The following PDS5A variants were observed in gnomAD, a reference collection of about 807,000 sequenced individuals.
The protein encoded by PDS5A is PDS5 cohesin associated factor A.
In PDS5A, 42 loss-of-function variants were observed where a neutral mutation model predicts 167.1. The ratio of observed to expected loss-of-function variants is 0.25; its 90% CI spans 0.20 to 0.33. The LOEUF is 0.33. Ranked by LOEUF, PDS5A falls within the 10% of genes least tolerant of loss-of-function variation. The pLI is 1.00. For missense variants in PDS5A, 1,033 were observed against 1,605.9 expected, an observed-to-expected ratio of 0.64 and a Z score of 6.10; for synonymous variants, 553 against 554.6, an observed-to-expected ratio of 1.00 and a Z score of 0.04.
chr4:39,878,568 G>C (rs2109587188), intron 18 of PDS5A, among the ~76,000 whole-genome samples: 1 of 152,012 alleles, frequency 6.6e-6, no homozygotes, highest in Non-Finnish European at 1.5e-5. Flanking sequence ...CTGCACTCCA[G>C]CCTGGGCAAC....
rs5857707 is a variant in PDS5A at position 39,934,615 on chromosome 4, C to CT, written c.139-6452dup. Among the ~76,000 whole-genome samples, 415 of 127,576 alleles carry CT rather than the reference C, an allele frequency of 3.3e-3. 1 individual carries two copies. The highest frequency in any genetic ancestry group is 4.9e-3 in the African/African-American group (163 of 33,036). The allele number at this position is 127,576 out of a possible 152,430, so 83.7% of individuals were successfully genotyped here. A position where few individuals can be genotyped will look rare whatever the true frequency, so the allele number is the denominator to read the frequency against. On this transcript the variant is annotated intron_variant, in intron 2 of 32. Coordinates refer to ENST00000303538, the MANE Select transcript of PDS5A (RefSeq NM_001100399.2). ...GCGGTCTTAGTATTTCTTTTTTTTT[C>CT]TTTTTTTTTTTTTTTTTAAGAAATG...
intron 2 of PDS5A, 21 bp from the exon 3 acceptor site, chr4:39,928,185 AC>A: frequency 6.7e-7 from 1 of 1,487,424 alleles, no homozygotes; most frequent in South Asian, 1.2e-5. Flanking sequence ...GTACAAAAAC[AC>A]AAAATAATTA....
chr4:39,907,662 C>T (rs1441803760), intron 11 of PDS5A, among the ~76,000 whole-genome samples: 1 of 151,588 alleles, frequency 6.6e-6, no homozygotes, highest in South Asian at 2.1e-4. Context: ...TCTCGGCTCA[C>T]TGCAAGCTCC....
Position 39,837,860 on chromosome 4 carries a change from G to A in PDS5A, c.4006C>T (p.Gln1336Ter). 6.2e-7 allele frequency: 1 copy of A among 1,606,008 alleles called. No homozygotes were observed. Among genetic ancestry groups the A allele is most frequent in the Non-Finnish European group, 8.5e-7 (1 of 1,176,184 alleles). ...AGGAAGAATGGCGTACATTACCTTT[G>A]TAAGTCAATTTGTCTTTCTGCTGGT... The part of the protein sequence containing the change: ...AAPAERQIDL[Q>*]R The change falls in exon 32 of 33, where the codon CAA (glutamine) becomes TAA (stop). Residue 1336 changes from glutamine (Q) to a stop codon, truncating the protein, a stop_gained. Coordinates refer to ENST00000303538, the MANE Select transcript of PDS5A (RefSeq NM_001100399.2). LOFTEE classifies it high-confidence loss of function.
At chr4:39,924,628 G>A (rs1725289042) in intron 5 of PDS5A, among the ~76,000 whole-genome samples, 1 of 152,258 alleles carries the variant, frequency 6.6e-6, no homozygotes, top group Non-Finnish European at 1.5e-5. Context: ...TGTGAAACAT[G>A]AGGAGGGCCA....
At chr4:39,872,857 A>T in intron 21 of PDS5A, 129 bp downstream of exon 21, 1 of 475,524 alleles carries the variant, frequency 2.1e-6, no homozygotes, top group African/African-American at 2.0e-5. Flanking sequence ...ATAAATAAAA[A>T]ATAAGTAGAA....
At chr4:39,924,464 C>T (rs192167905) in intron 5 of PDS5A, among the ~76,000 whole-genome samples, 5 of 152,306 alleles carry the variant, frequency 3.3e-5, no homozygotes, top group Admixed American at 2.6e-4. Context: ...CTATCCTATG[C>T]CAAGCTGGAG....
chr4:39,897,299 G>A (rs1282788696), intron 16 of PDS5A, among the ~76,000 whole-genome samples: 1 of 152,142 alleles, frequency 6.6e-6, no homozygotes. Flanking sequence ...GAAGGCTGAG[G>A]CACAAGAATC....
chr4:39,948,643 A>G (rs1728028713), intron 2 of PDS5A, among the ~76,000 whole-genome samples: 1 of 92,396 alleles, frequency 1.1e-5, no homozygotes, highest in Admixed American at 1.1e-4. Flanking sequence ...TTTTTTTTTA[A>G]AGACCGAGTC....
In PDS5A at chr4:39,879,830, T is replaced by C. The variant is rs780954888; in HGVS notation, c.1890A>G (p.Ala630=). The C allele has an allele frequency of 1.3e-6, 2 of 1,580,544 alleles. No homozygotes were observed. The highest frequency in any genetic ancestry group is 1.7e-6 in the Non-Finnish European group (2 of 1,149,724). ...TTGACTTATTCATCAATTTCACTAG[T>C]GCACTATAAAAAGAAGAAAATATAA... ...PVHIDSEAIS[A]LVKLMNKSIE... Residue 630 remains alanine (A), a synonymous_variant, in exon 18 of 33, where the codon GCA becomes GCG. Coordinates refer to ENST00000303538, the MANE Select transcript of PDS5A (RefSeq NM_001100399.2).
intron 2 of PDS5A, among the ~76,000 whole-genome samples, chr4:39,947,144 T>C (rs1048816934): frequency 2.0e-5 from 3 of 152,058 alleles, no homozygotes; most frequent in African/African-American, 7.2e-5. Flanking sequence ...TTGGAATGAA[T>C]AATCTGACAA....
At chr4:39,927,814 G>A (rs1203943598) in intron 3 of PDS5A, 147 bp downstream of exon 3, 5 of 608,664 alleles carry the variant, frequency 8.2e-6, no homozygotes, top group Non-Finnish European at 1.4e-5. Flanking sequence ...CTAACTGAAT[G>A]AATAATTTTG....
At chr4:39,929,909 C>T (rs1725850896) in intron 2 of PDS5A, among the ~76,000 whole-genome samples, 1 of 139,514 alleles carries the variant, frequency 7.2e-6, no homozygotes, top group Admixed American at 7.6e-5. Context: ...CTATACCTGG[C>T]TAATCAAAAA....
rs368289837 is a variant in PDS5A, at chr4:39,922,752, T to TAAAAAAAA, written c.528-12_528-5dup. The TAAAAAAAA allele has an allele frequency of 4.0e-6, 5 of 1,238,498 alleles. No individual in the cohort carries two copies. The highest frequency in any genetic ancestry group is 6.0e-5 in the East Asian group (2 of 33,562). The allele number at this position is 1,238,498 out of a possible 1,614,324, so 76.7% of individuals were successfully genotyped here. On this transcript the variant is annotated splice_polypyrimidine_tract_variant and splice_region_variant and intron_variant, in intron 5 of 32. Transcript: ENST00000303538. Reference sequence around the variant, plus strand: ...TACCTTCTTATTGTGGCTATTGCTATAAAAAAAAAAAAAAAAGAATAAGTA... The same window carrying TAAAAAAAA: ...TACCTTCTTATTGTGGCTATTGCTATAAAAAAAAAAAAAAAAAAAAAAAAGAATAAGTA...
intron 13 of PDS5A, among the ~76,000 whole-genome samples, chr4:39,901,395 G>A (rs1355297716): frequency 6.6e-6 from 1 of 150,438 alleles, no homozygotes; most frequent in Non-Finnish European, 1.5e-5. Flanking sequence ...AGCCTCCCTA[G>A]TAGCTGGGAT....
intron 22 of PDS5A, 29 bp from the exon 23 acceptor site, chr4:39,867,026 A>G: frequency 1.3e-6 from 2 of 1,540,106 alleles, no homozygotes; most frequent in East Asian, 2.3e-5. Flanking sequence ...CTAAAAAAAG[A>G]AAGCAACTTA....
intron 2 of PDS5A, among the ~76,000 whole-genome samples, chr4:39,941,462 A>G (rs1420704191): frequency 6.6e-6 from 1 of 152,190 alleles, no homozygotes; most frequent in Non-Finnish European, 1.5e-5. Context: ...TGAACAACCT[A>G]TTTGCCAATA....
intron 32 of PDS5A, among the ~76,000 whole-genome samples, chr4:39,835,516 C>T (rs531466014): frequency 3.9e-5 from 6 of 152,150 alleles, no homozygotes; most frequent in South Asian, 2.1e-4. Flanking sequence ...AGCATGTATC[C>T]GTTTTTTTGT....
chr4:39,861,568 A>G (rs1719009265), intron 26 of PDS5A, among the ~76,000 whole-genome samples: 2 of 152,210 alleles, frequency 1.3e-5, no homozygotes, highest in South Asian at 4.1e-4. Context: ...GTTAACAATA[A>G]TTTATTTGTA....
Sources: allele counts gnomAD v4.1 joint callset (sites outside exome capture counted in the v4.1 genomes callset), GRCh38; gene constraint gnomAD v4.1.1; transcripts MANE v1.5; gene names NCBI Gene and HGNC (gene_info 2026-07-23, HGNC 2026-07-21).